ZNF713: variants seen among roughly 807,000 people sequenced by gnomAD.
ZNF713 encodes zinc finger protein 713.
In ZNF713, 21 loss-of-function variants were observed where a neutral mutation model predicts 28.7. That is an observed-to-expected ratio of 0.73 (90% CI 0.52 to 1.05). ZNF713 has a LOEUF of 1.05. Ranked by LOEUF, ZNF713 falls within the 50% of genes least tolerant of loss-of-function variation. The pLI, the probability that ZNF713 is intolerant of heterozygous loss-of-function variation, is 0.00. For missense variants in ZNF713, 458 were observed against 532.4 expected (o/e 0.86, Z 1.37); for synonymous variants, 167 against 178.0 (o/e 0.94, Z 0.49).
At chr7:55,938,445 T>TA (rs1424181665) in intron 6 of ZNF713, among the ~76,000 whole-genome samples, 3 of 152,158 alleles carry the variant, frequency 2.0e-5, no homozygotes, top group African/African-American at 7.2e-5. Flanking sequence ...GGATTTCCTT[T>TA]AATGGGTGGG....
At chr7:55,923,416 G>A in intron 5 of ZNF713, 128 bp downstream of exon 5, 6 of 1,318,072 alleles carry the variant, frequency 4.6e-6, no homozygotes, top group Middle Eastern at 2.0e-4. Flanking sequence ...CAGTTTTGGA[G>A]TCAAAGACCT....
rs1786375077 is a variant in ZNF713 at position 55,937,417 on chromosome 7, C to T, written c.308-1565C>T. Among the ~76,000 whole-genome samples, 3 of 152,128 alleles carry T rather than the reference C, an allele frequency of 2.0e-5. No homozygotes were observed. In the South Asian group the frequency reaches 6.2e-4, roughly 32 times the overall value. On this transcript the variant is annotated intron_variant, in intron 6 of 6. Coordinates refer to ENST00000429591, the MANE Select transcript of ZNF713 (RefSeq NM_182633.3). ...AAGCAAGAGAGTAGAGGCAGAGAGA[C>T]TCATTGGGAGAGGGTAGAGTCGGGG... is the stretch of plus-strand genomic sequence containing the variant.
chr7:55,912,262 A>G (rs1044487825), intron 3 of ZNF713, among the ~76,000 whole-genome samples, 194 bp downstream of exon 3: 1 of 152,190 alleles, frequency 6.6e-6, no homozygotes, highest in African/African-American at 2.4e-5. Flanking sequence ...ATCTACACTT[A>G]GAGTCACTTG....
At chr7:55,901,960 G>A (rs1263508239) in intron 1 of ZNF713, among the ~76,000 whole-genome samples, 1 of 152,232 alleles carries the variant, frequency 6.6e-6, no homozygotes, top group Non-Finnish European at 1.5e-5. Flanking sequence ...GGGAGGCCAA[G>A]GCAGGCAGAT....
rs764973452 is a variant in ZNF713, at chr7:55,939,378, A to T, written c.704A>T (p.Tyr235Phe). Reference sequence around the variant, plus strand: ...GGAAATTATGTAAGAGAGACTCCCTATGAATATAGTGAGTGTGGAAAAATC... The same window carrying T: ...GGAAATTATGTAAGAGAGACTCCCTTTGAATATAGTGAGTGTGGAAAAATC... Reference protein sequence around the residue: ...YQGNYVRETPYEYSECGKIFN... With the variant: ...YQGNYVRETPFEYSECGKIFN... The change falls in exon 7 of 7, where the codon TAT becomes TTT. Residue 235 changes from tyrosine to phenylalanine, a missense_variant. Transcript: ENST00000429591. The T allele has an allele frequency of 6.2e-7, 1 of 1,614,014 alleles. No homozygotes were observed. The highest frequency in any genetic ancestry group is 2.2e-5 in the East Asian group (1 of 44,888).
At chr7:55,936,515 A>G (rs1344121459) in intron 6 of ZNF713, among the ~76,000 whole-genome samples, 2 of 152,134 alleles carry the variant, frequency 1.3e-5, no homozygotes, top group South Asian at 4.1e-4. Flanking sequence ...TGGTTACCCA[A>G]CTTCAAGGGG....
chr7:55,920,916 C>T (rs1785980195), intron 4 of ZNF713, among the ~76,000 whole-genome samples: 2 of 152,070 alleles, frequency 1.3e-5, no homozygotes, highest in South Asian at 4.1e-4. Context: ...CCACCATGCC[C>T]AACCCAATCT....
chr7:55,927,512 G>T (rs1786119613), intron 6 of ZNF713, among the ~76,000 whole-genome samples: 1 of 152,084 alleles, frequency 6.6e-6, no homozygotes, highest in Admixed American at 6.6e-5. Flanking sequence ...AATAGAGCGA[G>T]ACCTTGTCTG....
chr7:55,895,411 T>C (rs2116169503), intron 1 of ZNF713, among the ~76,000 whole-genome samples: 1 of 151,542 alleles, frequency 6.6e-6, no homozygotes, highest in East Asian at 1.9e-4. Flanking sequence ...TATATCTATC[T>C]ATCTACTGCT....
intron 6 of ZNF713, among the ~76,000 whole-genome samples, chr7:55,930,546 G>C (rs1329152274): frequency 6.6e-6 from 1 of 152,164 alleles, no homozygotes; most frequent in East Asian, 1.9e-4. Context: ...AGGATTGCTT[G>C]AGCTCAGGAG....
Position 55,887,855 on chromosome 7 carries a change from G to GA in ZNF713, c.-583+175_-583+176insA, listed in dbSNP as rs1785298312. 9.4e-4 allele frequency among the ~76,000 whole-genome samples: 13 copies of GA among 13,822 alleles called. 3 individuals are homozygous for GA. The highest frequency in any genetic ancestry group is 6.1e-3 in the African/African-American group (13 of 2,134). 9.1% of individuals were successfully genotyped at this position (13,822 alleles called of 152,430 possible). A position where few individuals can be genotyped will look rare whatever the true frequency, so the allele number is the denominator to read the frequency against. Reference sequence around the variant, plus strand: ...GCGGGCGGCGGGCGGCGGCGGCGGCGGGCGGCGGGCGGCGGCGGCGGCGGC... The same window carrying GA: ...GCGGGCGGCGGGCGGCGGCGGCGGCGAGGCGGCGGGCGGCGGCGGCGGCGGC... On this transcript the variant is annotated intron_variant, in intron 1 of 6. Coordinates refer to ENST00000429591, the MANE Select transcript of ZNF713 (RefSeq NM_182633.3).
chr7:55,899,902 C>T (rs1785542245), intron 1 of ZNF713, among the ~76,000 whole-genome samples: 1 of 151,722 alleles, frequency 6.6e-6, no homozygotes, highest in East Asian at 2.0e-4. Context: ...CCACACCACA[C>T]CCGGCCAATT....
chr7:55,913,802 T>C (rs568197395), intron 4 of ZNF713, among the ~76,000 whole-genome samples: 1 of 152,224 alleles, frequency 6.6e-6, no homozygotes, highest in South Asian at 2.1e-4. Flanking sequence ...ACCCATTCTT[T>C]AAAATCACTC....
At chr7:55,923,443 C>A in intron 5 of ZNF713, 155 bp downstream of exon 5, 3 of 1,145,186 alleles carry the variant, frequency 2.6e-6, no homozygotes, top group South Asian at 1.6e-5. Context: ...TCTGCTCTTT[C>A]TCCTCCAATG....
chr7:55,892,277 CAAA>C (rs71561974), intron 1 of ZNF713, among the ~76,000 whole-genome samples: 3 of 60,502 alleles, frequency 5.0e-5, no homozygotes, highest in African/African-American at 1.4e-4. Context: ...GACTCCATCT[CAAA>C]AAAAAAAAAA....
chr7:55,910,047 G>T (rs1785758143), intron 2 of ZNF713, among the ~76,000 whole-genome samples: 1 of 151,480 alleles, frequency 6.6e-6, no homozygotes, highest in Non-Finnish European at 1.5e-5. Context: ...TTTTTTAAGA[G>T]ACAGGGTGTC....
At chr7:55,930,693 G>A (rs1786192997) in intron 6 of ZNF713, among the ~76,000 whole-genome samples, 1 of 152,038 alleles carries the variant, frequency 6.6e-6, no homozygotes, top group Non-Finnish European at 1.5e-5. Flanking sequence ...TTGAGCCTAG[G>A]AGGTGGAGGT....
At chr7:55,901,109 T>G (rs1210238036) in intron 1 of ZNF713, among the ~76,000 whole-genome samples, 1 of 152,250 alleles carries the variant, frequency 6.6e-6, no homozygotes, top group Non-Finnish European at 1.5e-5. Flanking sequence ...TTCACGCTGC[T>G]GATAAAGACA....
rs141069519 is a variant in ZNF713 at position 55,934,845 on chromosome 7, C to A, written c.308-4137C>A. On this transcript the variant is annotated intron_variant, in intron 6 of 6. Coordinates refer to ENST00000429591, the MANE Select transcript of ZNF713 (RefSeq NM_182633.3). The stretch of plus-strand genomic sequence containing the variant: ...AAGAGAACAATTTGACAGAATTTAT[C>A]AAAATGTGTAGTGTGCAAACCCTAT... Among the ~76,000 whole-genome samples, 593 of 149,488 alleles carry A rather than the reference C, an allele frequency of 4.0e-3. 4 individuals are homozygous for A. Among genetic ancestry groups the A allele is most frequent in the Middle Eastern group, 0.018 (5 of 278 alleles).
Sources: gnomAD v4.1 joint callset for allele counts (sites outside exome capture counted in the v4.1 genomes callset) on GRCh38, gnomAD v4.1.1 for gene constraint, MANE v1.5 for transcripts, NCBI Gene and HGNC (gene_info 2026-07-23, HGNC 2026-07-21) for gene names.